Variants in COL6A3 observed in about 807,000 individuals in gnomAD.
COL6A3 encodes collagen type VI alpha 3 chain.
Under a neutral mutation model 274.1 loss-of-function variants are expected in COL6A3, and 137 were observed. The ratio of observed to expected loss-of-function variants is 0.50; its 90% confidence interval spans 0.44 to 0.58. The LOEUF is 0.58. Among genes scored for constraint, COL6A3 ranks in the 20% least tolerant of loss-of-function variants. The probability of loss-of-function intolerance (pLI) is 0.00; values close to 1 mark genes in which losing one functional copy is unlikely to be tolerated. For synonymous variants in COL6A3, 1,650 were observed against 1,650.6 expected (o/e 1.00, Z 0.01); for missense variants, 3,950 against 4,124.9 (o/e 0.96, Z 1.16).
At chr2:237,383,506 C>G (rs1403700779) in intron 4 of COL6A3, among the ~76,000 whole-genome samples, 1 of 132,486 alleles carries the variant, frequency 7.5e-6, no homozygotes, top group Non-Finnish European at 1.7e-5. Context: ...AGACTTATAC[C>G]TTTGTACCAT....
chr2:237,345,823 C>T (rs570980357), intron 32 of COL6A3, among the ~76,000 whole-genome samples: 1 of 152,212 alleles, frequency 6.6e-6, no homozygotes, highest in Non-Finnish European at 1.5e-5. Context: ...TACTTAAAGA[C>T]AGCAATCAGA....
In COL6A3 at chr2:237,374,376, G is replaced by T; in HGVS notation, c.3679+36C>A. On this transcript the variant is annotated intron_variant, in intron 8 of 43. Transcript: ENST00000295550. This position sits in a 1 kb window ranked among gnomAD's most constrained non-coding sequence, Gnocchi z 4.8. ...GTCCAGACAAGTAGCCCCAGACAAT[G>T]ACACTGAGTGAGGATGCAAAGAGTT... 6.2e-7 allele frequency: 1 copy of T among 1,606,518 alleles called. No individual in the cohort carries two copies. The highest frequency in any genetic ancestry group is 1.1e-5 in the South Asian group (1 of 90,628).
chr2:237,344,269 A>C lies in COL6A3; in HGVS notation c.7668+81T>G. On this transcript the variant is annotated intron_variant, in intron 36 of 43. Coordinates refer to ENST00000295550, the MANE Select transcript of COL6A3 (RefSeq NM_004369.4). The surrounding 1 kb of genome is among the most constrained non-coding windows in gnomAD (Gnocchi z 4.8). Reference sequence around the variant, plus strand: ...TAGGAGCTATGGGACATGAAGCCACAAAGGAGCATGGACGTGTCTGAGAAC... The same window carrying C: ...TAGGAGCTATGGGACATGAAGCCACCAAGGAGCATGGACGTGTCTGAGAAC... 1.2e-6 allele frequency: 2 copies of C among 1,606,176 alleles called. No individual in the cohort carries two copies. Among genetic ancestry groups the C allele is most frequent in the Non-Finnish European group, 1.7e-6 (2 of 1,174,544 alleles).
chr2:237,348,485 G>A (rs570414644), intron 29 of COL6A3, 101 bp from the exon 30 acceptor site: 23 of 1,328,718 alleles, frequency 1.7e-5, no homozygotes, highest in African/African-American at 7.3e-5. Flanking sequence ...GTCATCAAAC[G>A]AAAACACTCA....
At position 237,324,821 on chromosome 2, in the gene COL6A3, G is replaced by T. The variant is rs374024399; in HGVS notation, c.9494-7C>A. ...ACTCCGGGTTTGGCGAGCACTGAGCGTCGAGAGAGGGGGTGGGTGGGGTGA... is the reference window on the plus strand; with the variant it reads ...ACTCCGGGTTTGGCGAGCACTGAGCTTCGAGAGAGGGGGTGGGTGGGGTGA... On this transcript the variant is annotated splice_region_variant and splice_polypyrimidine_tract_variant and intron_variant, in intron 43 of 43. Transcript: ENST00000295550. 1 of 1,613,172 alleles carries T rather than the reference G, an allele frequency of 6.2e-7. No individual in the cohort carries two copies. The highest frequency in any genetic ancestry group is 8.5e-7 in the Non-Finnish European group (1 of 1,179,948).
chr2:237,381,419 G>A lies in COL6A3; in HGVS notation c.1393C>T (p.Arg465Ter), dbSNP rs121434554. 2.5e-6 allele frequency: 4 copies of A among 1,613,080 alleles called. No homozygotes were observed. Among genetic ancestry groups the A allele is most frequent in the Non-Finnish European group, 3.4e-6 (4 of 1,180,038 alleles). The part of the protein sequence containing the change: ...ALGLANFNAI[R>*]DFIAKVIQRL... ...TGGATGACTTTAGCAATGAAGTCTC[G>A]GATGGCATTGAAGTTGGCCAGTCCC... is the stretch of plus-strand genomic sequence containing the variant. The change falls in exon 5 of 44, where the codon CGA becomes TGA. Residue 465 changes from arginine to a stop codon, truncating the protein, a stop_gained. Transcript: ENST00000295550. LOFTEE classifies it high-confidence loss of function.
Position 237,336,237 on chromosome 2 carries a change from G to A in COL6A3, c.8863C>T (p.Pro2955Ser), listed in dbSNP as rs1700538106. Residue 2955 changes from proline (P) to serine (S), a missense_variant, in exon 40 of 44, where the codon CCC (proline) becomes TCC (serine). Transcript: ENST00000295550. ...VAAKPAAVRP[P>S]AAAAAKPVAT... ...ACTGGTTTTGCAGCAGCAGCAGCGG[G>A]GGGTCTTACAGCTGCTGGCTTTGCT... is the stretch of plus-strand genomic sequence containing the variant. The A allele has an allele frequency of 6.2e-7, 1 of 1,614,008 alleles. No individual in the cohort carries two copies. Among genetic ancestry groups the A allele is most frequent in the South Asian group, 1.1e-5 (1 of 91,088 alleles).
chr2:237,383,937 T>C (rs1431628130), intron 4 of COL6A3, among the ~76,000 whole-genome samples: 1 of 152,122 alleles, frequency 6.6e-6, no homozygotes, highest in South Asian at 2.1e-4. Flanking sequence ...GCACCTCTGG[T>C]TCCCAGAGGC....
chr2:237,402,774 C>G (rs1197633660), intron 1 of COL6A3, among the ~76,000 whole-genome samples: 1 of 152,098 alleles, frequency 6.6e-6, no homozygotes, highest in Non-Finnish European at 1.5e-5. Flanking sequence ...TGACTAGTAT[C>G]CTCTGAGCTT....
intron 39 of COL6A3, among the ~76,000 whole-genome samples, chr2:237,338,396 C>T (rs1700657287): frequency 6.6e-6 from 1 of 152,096 alleles, no homozygotes; most frequent in Non-Finnish European, 1.5e-5. Context: ...CATAAGGGAT[C>T]CAAGGAGAAA....
chr2:237,346,079 T>C (rs1235656845), intron 32 of COL6A3, among the ~76,000 whole-genome samples: 1 of 152,126 alleles, frequency 6.6e-6, no homozygotes, highest in African/African-American at 2.4e-5. Context: ...ACTAGTGGGA[T>C]TTAACCACAA....
In COL6A3 at chr2:237,324,718, T is replaced by G; in HGVS notation, c.*56A>C. 1.9e-6 allele frequency: 3 copies of G among 1,560,992 alleles called. No individual in the cohort carries two copies. Among genetic ancestry groups the G allele is most frequent in the Non-Finnish European group, 2.6e-6 (3 of 1,132,286 alleles). ...CACCCGGAGCTTCTACAGAGACAAGTTGGCGATGGCTGACTCCTTCTTCTT... is the reference window on the plus strand; with the variant it reads ...CACCCGGAGCTTCTACAGAGACAAGGTGGCGATGGCTGACTCCTTCTTCTT... On this transcript the variant is annotated 3_prime_UTR_variant, in exon 44 of 44. Transcript: ENST00000295550.
chr2:237,391,035 G>A (rs1292969637), intron 3 of COL6A3, among the ~76,000 whole-genome samples: 4 of 152,130 alleles, frequency 2.6e-5, no homozygotes, highest in Non-Finnish European at 5.9e-5. Context: ...AACACTCTAT[G>A]GGGAAGTTAC....
At chr2:237,405,913 G>T (rs770158829) in intron 1 of COL6A3, among the ~76,000 whole-genome samples, 10 of 152,016 alleles carry the variant, frequency 6.6e-5, no homozygotes, top group Admixed American at 1.3e-4. Flanking sequence ...AGAATTGGCT[G>T]CTTGAGATCC....
Position 237,361,084 on chromosome 2 carries a change from G to A in COL6A3, c.6210+37C>T, listed in dbSNP as rs1314390586. 3 of 1,555,808 alleles carry A rather than the reference G, an allele frequency of 1.9e-6. No individual in the cohort carries two copies. Among genetic ancestry groups the A allele is most frequent in the Non-Finnish European group, 2.7e-6 (3 of 1,127,042 alleles). The stretch of plus-strand genomic sequence containing the variant: ...TCCCAATGGGTAAGGATCAAGGAGG[G>A]GGTGAAATTTTAGGGACTAAAACAA... On this transcript the variant is annotated intron_variant, in intron 16 of 43. Coordinates refer to ENST00000295550, the MANE Select transcript of COL6A3 (RefSeq NM_004369.4). The surrounding 1 kb of genome is among the most constrained non-coding windows in gnomAD (Gnocchi z 5.1).
At chr2:237,360,424 G>C (rs2077409849) in intron 16 of COL6A3, among the ~76,000 whole-genome samples, 1 of 152,092 alleles carries the variant, frequency 6.6e-6, no homozygotes, top group South Asian at 2.1e-4. Flanking sequence ...GGCAAGGGTG[G>C]GTGGCCCCCA....
At chr2:237,385,663 T>C (rs966620337) in intron 4 of COL6A3, among the ~76,000 whole-genome samples, 1 of 152,210 alleles carries the variant, frequency 6.6e-6, no homozygotes, top group Non-Finnish European at 1.5e-5. Flanking sequence ...ACCAATAGTA[T>C]GCAAGCTCAG....
intron 21 of COL6A3, among the ~76,000 whole-genome samples, chr2:237,358,131 A>T (rs374234893): frequency 6.6e-6 from 1 of 152,058 alleles, no homozygotes; most frequent in East Asian, 1.9e-4. Flanking sequence ...CCCCAGGCTC[A>T]CTCCTGCTTA....
chr2:237,376,877 A>G lies in COL6A3; in HGVS notation c.2965T>C (p.Ser989Pro), dbSNP rs758482171. Residue 989 changes from serine (S) to proline (P), a missense_variant, in exon 7 of 44, where the codon TCT becomes CCT. By Grantham distance (74) the Ser-to-Pro change is moderately conservative (BLOSUM62 -1). Around this residue, in one of 5 missense-constraint regions of COL6A3, gnomAD observed 1,934 missense variants for 1,984.3 expected, o/e 0.97. Coordinates refer to ENST00000295550, the MANE Select transcript of COL6A3 (RefSeq NM_004369.4). The part of the protein sequence containing the change: ...DPAELEQIVL[S>P]PAFILAAESL... ...TCTGCAGCCAGGATAAACGCTGGAGACAGCACGATCTGCTCTAACTCAGCA... is the reference window on the plus strand; with the variant it reads ...TCTGCAGCCAGGATAAACGCTGGAGGCAGCACGATCTGCTCTAACTCAGCA... 3.1e-6 allele frequency: 5 copies of G among 1,614,218 alleles called. No homozygotes were observed. In the Admixed American group the frequency reaches 8.3e-5, roughly 27 times the overall value.
Sources: gnomAD v4.1 joint callset for allele counts (sites outside exome capture counted in the v4.1 genomes callset) on GRCh38, gnomAD v4.1.1 for gene constraint, gnomAD v4.1.1 regional missense constraint, Gnocchi (gnomAD v3.1) non-coding constraint, MANE v1.5 for transcripts, NCBI Gene and HGNC (gene_info 2026-07-23, HGNC 2026-07-21) for gene names.